SMYD3: variants seen among roughly 807,000 people sequenced by gnomAD.
SMYD3 encodes the protein histone-lysine N-methyltransferase SMYD3.
In SMYD3, 36 loss-of-function variants were observed where a neutral mutation model predicts 57.7. The observed-to-expected ratio is 0.62, with a 90% CI of 0.48 to 0.82. SMYD3 has a LOEUF of 0.82. SMYD3 is among the 40% of genes least tolerant of loss of function. The probability of loss-of-function intolerance (pLI) is 0.00; values close to 1 mark genes in which losing one functional copy is unlikely to be tolerated. For missense variants in SMYD3, 515 were observed against 538.8 expected, an observed-to-expected ratio of 0.96 and a Z score of 0.44; for synonymous variants, 211 against 195.0, an observed-to-expected ratio of 1.08 and a Z score of -0.68.
At position 246,424,565 on chromosome 1, in the gene SMYD3, C is replaced by T. The variant is rs537166417; in HGVS notation, c.165-69471G>A. ...CTTTACTAATTGATATAAATGTCTG[C>T]CTGAAGTTTTCACAGATGATTTACT... On this transcript the variant is annotated intron_variant, in intron 1 of 11. Transcript: ENST00000490107. 1.1e-4 allele frequency among the ~76,000 whole-genome samples: 16 copies of T among 152,190 alleles called. No homozygotes were observed. The South Asian group carries it at 3.3e-3, about 32-fold the overall frequency.
chr1:246,422,174 T>A (rs2067153462), intron 1 of SMYD3, among the ~76,000 whole-genome samples: 1 of 152,112 alleles, frequency 6.6e-6, no homozygotes. Flanking sequence ...GGGCAAAGAT[T>A]TTTGCATAGG....
intron 5 of SMYD3, among the ~76,000 whole-genome samples, chr1:246,087,490 T>C (rs868147145): frequency 2.6e-5 from 4 of 152,022 alleles, no homozygotes; most frequent in Non-Finnish European, 2.9e-5. Flanking sequence ...CCTGTTCAAA[T>C]AGTCGGAAAG....
In SMYD3 at chr1:245,839,383, A is replaced by C. The variant is rs569228408; in HGVS notation, c.1076+19113T>G. 6.6e-5 allele frequency among the ~76,000 whole-genome samples: 10 copies of C among 151,758 alleles called. No homozygotes were observed. The East Asian group carries it at 1.2e-3, about 18-fold the overall frequency. On this transcript the variant is annotated intron_variant, in intron 10 of 11. Coordinates refer to ENST00000490107, the MANE Select transcript of SMYD3 (RefSeq NM_001167740.2). Reference sequence around the variant, plus strand: ...ACGGGGTTTCACCGTGTTAGCCAGGATGGTCTCGATCTCCTGACCTCGTGA... The same window carrying C: ...ACGGGGTTTCACCGTGTTAGCCAGGCTGGTCTCGATCTCCTGACCTCGTGA...
intron 1 of SMYD3, among the ~76,000 whole-genome samples, chr1:246,424,927 T>A (rs544004035): frequency 6.6e-6 from 1 of 152,366 alleles, no homozygotes; most frequent in East Asian, 1.9e-4. Flanking sequence ...AATTATACTT[T>A]ATATAATTTC....
At chr1:246,090,358 G>C (rs1547744) in intron 5 of SMYD3, among the ~76,000 whole-genome samples, 2,941 of 152,088 alleles carry the variant, frequency 0.019, 136 homozygotes, top group East Asian at 0.16. Flanking sequence ...TTCAGTGACA[G>C]CTGAACGTTG....
chr1:245,759,526 AG>A (rs1409123495), intron 11 of SMYD3, among the ~76,000 whole-genome samples: 2 of 152,180 alleles, frequency 1.3e-5, no homozygotes, highest in African/African-American at 4.8e-5. Context: ...ACAACCAAAG[AG>A]GTTAAGAATC....
intron 5 of SMYD3, among the ~76,000 whole-genome samples, chr1:246,124,673 C>T (rs1035969698): frequency 6.6e-5 from 10 of 152,008 alleles, no homozygotes; most frequent in African/African-American, 2.4e-4. Context: ...GACATAAGGC[C>T]GGAGAGGGAC....
Position 246,266,407 on chromosome 1 carries a change from T to TA in SMYD3, c.531+60793_531+60794insT, listed in dbSNP as rs1233393055. ...CTAAAGTATTTTGTTCACATTATTATTATTAGAGTATTAATATATTGAGTA... is the reference window on the plus strand; with the variant it reads ...CTAAAGTATTTTGTTCACATTATTATATATTAGAGTATTAATATATTGAGTA... On this transcript the variant is annotated intron_variant, in intron 5 of 11. Coordinates refer to ENST00000490107, the MANE Select transcript of SMYD3 (RefSeq NM_001167740.2). 9.3e-5 allele frequency among the ~76,000 whole-genome samples: 14 copies of TA among 151,122 alleles called. No individual in the cohort carries two copies. In the East Asian group the frequency reaches 2.6e-3, roughly 28 times the overall value.
In SMYD3 at chr1:246,488,813, T is replaced by C. The variant is rs570534930; in HGVS notation, c.164+18241A>G. Among the ~76,000 whole-genome samples, 5 of 152,324 alleles carry C rather than the reference T, an allele frequency of 3.3e-5. No homozygotes were observed. In the South Asian group the frequency reaches 1.0e-3, roughly 32 times the overall value. On this transcript the variant is annotated intron_variant, in intron 1 of 11. Coordinates refer to ENST00000490107, the MANE Select transcript of SMYD3 (RefSeq NM_001167740.2). ...TTTAGTGCCAATAAGACCAATAAAGTAGACAGAAGACAGATTGCAAAAGGA... is the reference window on the plus strand; with the variant it reads ...TTTAGTGCCAATAAGACCAATAAAGCAGACAGAAGACAGATTGCAAAAGGA...
At chr1:246,266,971 C>CATTAAATCTT (rs1466687595) in intron 5 of SMYD3, among the ~76,000 whole-genome samples, 23 of 151,832 alleles carry the variant, frequency 1.5e-4, no homozygotes, top group African/African-American at 2.7e-4. Flanking sequence ...AATTCTCTTC[C>CATTAAATCTT]ATTAAATCTT....
intron 8 of SMYD3, among the ~76,000 whole-genome samples, chr1:245,909,735 G>GA (rs1171264971): frequency 6.6e-6 from 1 of 151,772 alleles, no homozygotes; most frequent in Non-Finnish European, 1.5e-5. Context: ...AATAGATGTT[G>GA]AAAAAAACTT....
intron 5 of SMYD3, among the ~76,000 whole-genome samples, chr1:246,301,431 C>T (rs1237869899): frequency 3.9e-5 from 6 of 152,140 alleles, no homozygotes; most frequent in African/African-American, 1.2e-4. Flanking sequence ...ACACTTCCTG[C>T]AGGGACAAGG....
At chr1:246,413,395 A>C (rs762305902) in intron 1 of SMYD3, among the ~76,000 whole-genome samples, 3 of 152,176 alleles carry the variant, frequency 2.0e-5, no homozygotes, top group African/African-American at 4.8e-5. Context: ...GTAAATAGCT[A>C]ATTTTTATCA....
At position 246,362,371 on chromosome 1, in the gene SMYD3, CAAAA is replaced by C. The variant is rs1413487141; in HGVS notation, c.165-7281_165-7278del. ...TATCTCCCCCAAATCACCTGGGTGA[CAAAA>C]AAGCAGATATTTTTAAAAACCTGAA... On this transcript the variant is annotated intron_variant, in intron 1 of 11. Transcript: ENST00000490107. 2.0e-5 allele frequency among the ~76,000 whole-genome samples: 3 copies of C among 148,564 alleles called. No individual in the cohort carries two copies. In the East Asian group the frequency reaches 6.2e-4, roughly 31 times the overall value.
intron 1 of SMYD3, among the ~76,000 whole-genome samples, chr1:246,381,272 G>T (rs1347696003): frequency 6.6e-6 from 1 of 152,116 alleles, no homozygotes; most frequent in Non-Finnish European, 1.5e-5. Flanking sequence ...TAAAACTGAA[G>T]TTCTTTTATT....
intron 1 of SMYD3, among the ~76,000 whole-genome samples, chr1:246,422,872 C>T (rs1441745180): frequency 1.3e-5 from 2 of 152,022 alleles, no homozygotes; most frequent in Non-Finnish European, 2.9e-5. Flanking sequence ...TACTGAACCC[C>T]TACTATGTGC....
chr1:245,765,779 C>T (rs2046064869), intron 10 of SMYD3, among the ~76,000 whole-genome samples: 1 of 152,124 alleles, frequency 6.6e-6, no homozygotes, highest in African/African-American at 2.4e-5. Flanking sequence ...TGCCCACAGA[C>T]ATCACTAAGA....
chr1:245,933,296 A>G (rs1189019121), intron 5 of SMYD3, among the ~76,000 whole-genome samples: 3 of 152,186 alleles, frequency 2.0e-5, no homozygotes, highest in Non-Finnish European at 2.9e-5. Context: ...TAATGGTACT[A>G]CTTCAATAAA....
intron 1 of SMYD3, among the ~76,000 whole-genome samples, chr1:246,377,369 C>CT (rs531494337): frequency 0.012 from 1,590 of 134,184 alleles, 23 homozygotes; most frequent in African/African-American, 0.033. Flanking sequence ...GCAAATAATT[C>CT]TTTTTTTTTT....
Sources: allele counts gnomAD v4.1 joint callset (sites outside exome capture counted in the v4.1 genomes callset), GRCh38; gene constraint gnomAD v4.1.1; transcripts MANE v1.5; gene names NCBI Gene and HGNC (gene_info 2026-07-23, HGNC 2026-07-21).